Variants in BOD1L1 observed in about 807,000 individuals in gnomAD.
BOD1L1 encodes biorientation of chromosomes in cell division 1 like 1, also known as biorientation of chromosomes in cell division protein 1-like 1.
A neutral mutation model predicts 240.7 loss-of-function variants in BOD1L1; 86 were observed. That is an observed-to-expected ratio of 0.36 (90% confidence interval 0.30 to 0.43). BOD1L1 has a LOEUF of 0.43. BOD1L1 is among the 20% of genes least tolerant of loss of function. The probability of loss-of-function intolerance (pLI) is 1.00; values close to 1 mark genes in which losing one functional copy is unlikely to be tolerated. For missense variants in BOD1L1, 3,554 were observed against 3,643.5 expected, an observed-to-expected ratio of 0.98 and a Z score of 0.63; for synonymous variants, 1,268 against 1,272.3, an observed-to-expected ratio of 1.00 and a Z score of 0.07.
rs577013112 is a variant in BOD1L1 at position 13,581,613 on chromosome 4, C to G, written c.8593-406G>C. On this transcript the variant is annotated intron_variant, in intron 19 of 25. Coordinates refer to ENST00000040738, the MANE Select transcript of BOD1L1 (RefSeq NM_148894.3). ...GACAGAACAATAACAAATGATTTAA[C>G]AATGGGCAAACCTGGCAATGGTTAT... 2.0e-5 allele frequency among the ~76,000 whole-genome samples: 3 copies of G among 152,282 alleles called. No homozygotes were observed. The South Asian group carries it at 6.2e-4, about 32-fold the overall frequency.
intron 12 of BOD1L1, chr4:13,593,372 G>C (rs1169194292): frequency 6.6e-6 from 1 of 152,010 alleles, no homozygotes. Context: ...TGATTATTTA[G>C]CTATTAAAAC....
chr4:13,579,978 G>A lies in BOD1L1; in HGVS notation c.8704-5C>T, dbSNP rs201442634. ...GCTAGATGGAGATTGTTCTACCTAT[G>A]TTTAAATAAACAAACAAAAAAAAAT... On this transcript the variant is annotated splice_region_variant and splice_polypyrimidine_tract_variant and intron_variant, in intron 21 of 25. Transcript: ENST00000040738. 2.1e-5 allele frequency: 32 copies of A among 1,551,442 alleles called. No individual in the cohort carries two copies. In the East Asian group the frequency reaches 7.0e-4, roughly 34 times the overall value.
rs183407201 is a variant in BOD1L1 at position 13,579,872 on chromosome 4, C to G, written c.8749+56G>C. ...GAAGTTCCAAACCTTCTCCAACAGC[C>G]AGCCTCTCCTGCCCCTCCCTCAGAT... On this transcript the variant is annotated intron_variant, in intron 22 of 25. Coordinates refer to ENST00000040738, the MANE Select transcript of BOD1L1 (RefSeq NM_148894.3). The G allele has an allele frequency of 6.1e-3, 8,596 of 1,415,100 alleles. 47 individuals carry two copies. The highest frequency in any genetic ancestry group is 7.6e-3 in the Admixed American group (340 of 44,672). The allele number at this position is 1,415,100 out of a possible 1,614,324, so 87.7% of individuals were successfully genotyped here.
At chr4:13,577,988 C>A (rs1450545755) in intron 22 of BOD1L1, 13 of 171,658 alleles carry the variant, frequency 7.6e-5, no homozygotes, top group Non-Finnish European at 1.2e-5. Flanking sequence ...AATGCAACCT[C>A]CGCCTCCTGG....
intron 14 of BOD1L1, 24 bp downstream of exon 14, chr4:13,590,362 T>C (rs1359780282): frequency 7.7e-7 from 1 of 1,291,220 alleles, no homozygotes; most frequent in Non-Finnish European, 1.1e-6. Flanking sequence ...ATTAAAACTA[T>C]AACTATGAAA....
At chr4:13,615,622 C>T (rs1716525819) in intron 2 of BOD1L1, 120 bp from the exon 3 acceptor site, 9 of 960,124 alleles carry the variant, frequency 9.4e-6, no homozygotes, top group Non-Finnish European at 1.2e-5. Context: ...CTTAAATTGT[C>T]CCAATCCATT....
Position 13,600,571 on chromosome 4 carries a change from A to G in BOD1L1, c.6329T>C (p.Val2110Ala), listed in dbSNP as rs1302394135. The change falls in exon 10 of 26, where the codon GTA becomes GCA. Residue 2110 changes from valine to alanine, a missense_variant. Val to Ala is a moderately conservative substitution (Grantham distance 64, BLOSUM62 0). This residue lies in a region of BOD1L1 where 3,393 missense variants were observed against 3,427.1 expected (regional missense o/e 0.99). Transcript: ENST00000040738. ...RTEENMEGTR[V>A]TTEEFEAPMP... ...GGGGGCCTCAAATTCTTCTGTGGTT[A>G]CTCTGGTACCTTCCATATTTTCTTC... 1 of 1,613,040 alleles carries G rather than the reference A, an allele frequency of 6.2e-7. No homozygotes were observed. Among genetic ancestry groups the G allele is most frequent in the African/African-American group, 1.3e-5 (1 of 74,606 alleles).
chr4:13,594,377 T>C (rs1266348010), intron 12 of BOD1L1, among the ~76,000 whole-genome samples: 1 of 152,206 alleles, frequency 6.6e-6, no homozygotes, highest in Non-Finnish European at 1.5e-5. Context: ...ATCATGTTTG[T>C]AATACAAATT....
rs776646156 is a variant in BOD1L1, at chr4:13,603,370, G to A, written c.3530C>T (p.Thr1177Ile). The A allele has an allele frequency of 6.2e-7, 1 of 1,613,966 alleles. No homozygotes were observed. The highest frequency in any genetic ancestry group is 8.5e-7 in the Non-Finnish European group (1 of 1,179,890). ...ACGGCCTGGCTTATAAGCTGGAGCT[G>A]TTGCTTTTGAATCTGCTGTGCAAGT... Reference protein sequence around the residue: ...LRTCTADSKATAPAYKPGRGT... With the variant: ...LRTCTADSKAIAPAYKPGRGT... Residue 1177 changes from threonine to isoleucine, a missense_variant, in exon 10 of 26, where the codon ACA becomes ATA. Thr to Ile is a moderately conservative substitution (Grantham distance 89). Coordinates refer to ENST00000040738, the MANE Select transcript of BOD1L1 (RefSeq NM_148894.3).
At chr4:13,594,139 G>GA (rs1714426140) in intron 12 of BOD1L1, among the ~76,000 whole-genome samples, 1 of 152,108 alleles carries the variant, frequency 6.6e-6, no homozygotes, top group Non-Finnish European at 1.5e-5. Flanking sequence ...TGCTTTACCT[G>GA]AATTTTTCAG....
At position 13,604,224 on chromosome 4, in the gene BOD1L1, A is replaced by C; in HGVS notation, c.2676T>G (p.Val892=). 1.2e-6 allele frequency: 2 copies of C among 1,613,732 alleles called. No homozygotes were observed. The highest frequency in any genetic ancestry group is 1.7e-6 in the Non-Finnish European group (2 of 1,179,832). The change falls in exon 10 of 26, where the codon GTT becomes GTG. Residue 892 remains valine, a synonymous_variant. Coordinates refer to ENST00000040738, the MANE Select transcript of BOD1L1 (RefSeq NM_148894.3). ...NMDSNLKPEE[V]VHKEKRRTKS... The stretch of plus-strand genomic sequence containing the variant: ...TTGTTCGTCGTTTCTCCTTGTGAAC[A>C]ACCTCTTCTGGTTTCAAATTACTAT...
chr4:13,591,016 G>A (rs1281648268), intron 13 of BOD1L1, among the ~76,000 whole-genome samples: 2 of 151,964 alleles, frequency 1.3e-5, no homozygotes, highest in African/African-American at 4.8e-5. Flanking sequence ...AGCTGGCTCG[G>A]TAAGCTCCAA....
chr4:13,617,620 A>C (rs1716715196), intron 2 of BOD1L1, among the ~76,000 whole-genome samples: 1 of 152,134 alleles, frequency 6.6e-6, no homozygotes, highest in Non-Finnish European at 1.5e-5. Context: ...GTTACCTAGG[A>C]TTTTCAGATT....
At chr4:13,573,466 A>ATCTTTCTT (rs1476265494) in intron 25 of BOD1L1, among the ~76,000 whole-genome samples, 4 of 109,962 alleles carry the variant, frequency 3.6e-5, no homozygotes, top group African/African-American at 1.1e-4. Flanking sequence ...CTATCTATCT[A>ATCTTTCTT]TCTATCTTTC....
intron 24 of BOD1L1, among the ~76,000 whole-genome samples, 179 bp downstream of exon 24, chr4:13,577,224 G>A (rs1224469878): frequency 6.6e-6 from 1 of 152,088 alleles, no homozygotes; most frequent in Non-Finnish European, 1.5e-5. Flanking sequence ...AAATTGACAT[G>A]TACTCAGAAA....
At position 13,601,212 on chromosome 4, in the gene BOD1L1, G is replaced by T; in HGVS notation, c.5688C>A (p.Val1896=). 6.2e-7 allele frequency: 1 copy of T among 1,613,890 alleles called. No homozygotes were observed. Among genetic ancestry groups the T allele is most frequent in the Non-Finnish European group, 8.5e-7 (1 of 1,179,874 alleles). ...CCCCTTCTGCACTTTCACAAATCAA[G>T]ACCCCTTCACTTTCTTCTCCTAACC... is the stretch of plus-strand genomic sequence containing the variant. ...CTGLGEESEG[V]LICESAEGDS... is the part of the protein sequence containing the mutation. The change falls in exon 10 of 26, where the codon GTC becomes GTA. Residue 1896 remains valine (V), a synonymous_variant. Transcript: ENST00000040738.
In BOD1L1 at chr4:13,586,416, T is replaced by G; in HGVS notation, c.8413A>C (p.Thr2805Pro). The change falls in exon 17 of 26, where the codon ACG becomes CCG. Residue 2805 changes from threonine to proline, a missense_variant. By Grantham distance (38) the Thr-to-Pro change is conservative. This residue lies in a region of BOD1L1 where 3,393 missense variants were observed against 3,427.1 expected (regional missense o/e 0.99). Coordinates refer to ENST00000040738, the MANE Select transcript of BOD1L1 (RefSeq NM_148894.3). ...AATACCTTTGTGTCATGTGGCTCCG[T>G]TTCAGGACACTGCCTTTGTGCTGTT... Reference protein sequence around the residue: ...IETAQRQCPETEPHDTKEENS... With the variant: ...IETAQRQCPEPEPHDTKEENS... The G allele has an allele frequency of 6.2e-7, 1 of 1,612,170 alleles. No homozygotes were observed. Among genetic ancestry groups the G allele is most frequent in the South Asian group, 1.1e-5 (1 of 90,690 alleles).
chr4:13,600,629 C>A lies in BOD1L1; in HGVS notation c.6271G>T (p.Val2091Leu). The change falls in exon 10 of 26, where the codon GTG becomes TTG. Residue 2091 changes from valine (V) to leucine (L), a missense_variant. Physicochemically the swap from Val to Leu is conservative, Grantham distance 32. Around this residue, in one of 2 missense-constraint regions of BOD1L1, gnomAD observed 3,393 missense variants for 3,427.1 expected, o/e 0.99. Coordinates refer to ENST00000040738, the MANE Select transcript of BOD1L1 (RefSeq NM_148894.3). ...AGAGCATCTGAGAGACCTCCTTCCA[C>A]ATCTGTAATTGCGCTTACCTGAGGG... ...YTPQVSAITD[V>L]EGGLSDALRT... 6.2e-7 allele frequency: 1 copy of A among 1,613,918 alleles called. No individual in the cohort carries two copies. The highest frequency in any genetic ancestry group is 8.5e-7 in the Non-Finnish European group (1 of 1,179,856).
intron 7 of BOD1L1, among the ~76,000 whole-genome samples, chr4:13,608,981 T>G (rs76126653): frequency 0.054 from 8,240 of 152,262 alleles, 252 homozygotes; most frequent in African/African-American, 0.081. Context: ...TAGATTAATT[T>G]CATTAATCAC....
Sources: gnomAD v4.1 joint callset for allele counts (sites outside exome capture counted in the v4.1 genomes callset) on GRCh38, gnomAD v4.1.1 for gene constraint, gnomAD v4.1.1 regional missense constraint, MANE v1.5 for transcripts, NCBI Gene and HGNC (gene_info 2026-07-23, HGNC 2026-07-21) for gene names.